The following CNTN3 variants were observed in gnomAD, a reference collection of about 807,000 sequenced individuals.
CNTN3 encodes contactin 3, also known as contactin-3.
In CNTN3, 60 loss-of-function variants were observed where a neutral mutation model predicts 119.1. The observed-to-expected ratio is 0.50, with a 90% CI of 0.41 to 0.62. The LOEUF (loss-of-function observed/expected upper bound fraction) is 0.62, where lower values mean the gene tolerates loss of function less well. Ranked by LOEUF, CNTN3 falls within the 20% of genes least tolerant of loss-of-function variation. CNTN3 has a pLI of 0.00. For missense variants in CNTN3, 1,101 were observed against 1,242.4 expected (o/e 0.89, Z 1.71); for synonymous variants, 450 against 438.7 (o/e 1.03, Z -0.32).
intron 3 of CNTN3, among the ~76,000 whole-genome samples, chr3:74,491,773 G>A (rs1438758896): frequency 2.0e-5 from 3 of 152,044 alleles, no homozygotes; most frequent in Non-Finnish European, 2.9e-5. Context: ...ATAATTCTTT[G>A]TAAAAATTAC....
At chr3:74,281,073 G>T (rs1701997106) in intron 20 of CNTN3, among the ~76,000 whole-genome samples, 1 of 152,154 alleles carries the variant, frequency 6.6e-6, no homozygotes, top group South Asian at 2.1e-4. Context: ...AAAAGAATAG[G>T]AAATAAGTCA....
intron 5 of CNTN3, among the ~76,000 whole-genome samples, chr3:74,403,200 C>T (rs7614162): frequency 0.72 from 109,151 of 151,972 alleles, 39,329 homozygotes; most frequent in East Asian, 0.81. Flanking sequence ...AGGGTGGAAA[C>T]AGGAAATCAA....
chr3:74,605,827 C>G lies in CNTN3; in HGVS notation c.-81+8564G>C, dbSNP rs142046816. ...CATTTTATTTTTCAAATTCAATAGG[C>G]TAACTCAGATTCAAGGGAAAGGGAA... On this transcript the variant is annotated intron_variant, in intron 1 of 22. Transcript: ENST00000263665. 1.2e-3 allele frequency among the ~76,000 whole-genome samples: 176 copies of G among 152,210 alleles called. 3 individuals carry two copies. The highest frequency in any genetic ancestry group is 3.7e-3 in the African/African-American group (153 of 41,548).
At chr3:74,420,079 A>T (rs1323313162) in intron 5 of CNTN3, among the ~76,000 whole-genome samples, 1 of 152,114 alleles carries the variant, frequency 6.6e-6, no homozygotes, top group Admixed American at 6.6e-5. Flanking sequence ...CTCTTGCTTC[A>T]TAGAGGTGCT....
chr3:74,543,506 G>A (rs1457634751), intron 1 of CNTN3, among the ~76,000 whole-genome samples: 1 of 152,056 alleles, frequency 6.6e-6, no homozygotes, highest in Non-Finnish European at 1.5e-5. Context: ...CAGATTAATA[G>A]GAAACATTAA....
intron 4 of CNTN3, among the ~76,000 whole-genome samples, chr3:74,452,375 G>C (rs1337165650): frequency 6.1e-4 from 79 of 129,806 alleles, no homozygotes; most frequent in Non-Finnish European, 5.0e-4. Context: ...TGTATCCTGA[G>C]ACTTTGCTGA....
rs138372565 is a variant in CNTN3 at position 74,289,199 on chromosome 3, G to T, written c.2518-3708C>A. Reference sequence around the variant, plus strand: ...AGAAAAGACATATTTTTATCTTGGTGTAATTACATAAATTATTTTGTAAGA... The same window carrying T: ...AGAAAAGACATATTTTTATCTTGGTTTAATTACATAAATTATTTTGTAAGA... On this transcript the variant is annotated intron_variant, in intron 19 of 22. Transcript: ENST00000263665. 5.6e-4 allele frequency among the ~76,000 whole-genome samples: 86 copies of T among 152,252 alleles called. 2 individuals are homozygous for T. The East Asian group carries it at 0.013, about 22-fold the overall frequency.
intron 1 of CNTN3, among the ~76,000 whole-genome samples, chr3:74,527,270 T>C (rs994612206): frequency 1.3e-5 from 2 of 151,956 alleles, no homozygotes; most frequent in African/African-American, 2.4e-5. Flanking sequence ...TAAGTTTAAA[T>C]AATGAGATTG....
intron 1 of CNTN3, among the ~76,000 whole-genome samples, chr3:74,572,295 A>T (rs1040408538): frequency 2.0e-5 from 3 of 152,156 alleles, no homozygotes; most frequent in African/African-American, 7.2e-5. Flanking sequence ...ACTTCCAAAT[A>T]TCTAATGTCA....
intron 4 of CNTN3, among the ~76,000 whole-genome samples, chr3:74,463,814 T>C (rs1294163807): frequency 6.6e-6 from 1 of 152,186 alleles, no homozygotes; most frequent in Non-Finnish European, 1.5e-5. Context: ...AAGTCTTCCG[T>C]GTTGTCCACC....
chr3:74,504,313 A>G (rs1483734095), intron 2 of CNTN3, among the ~76,000 whole-genome samples: 1 of 152,198 alleles, frequency 6.6e-6, no homozygotes, highest in Non-Finnish European at 1.5e-5. Flanking sequence ...TAAATTTAGA[A>G]AGGAATATTC....
chr3:74,369,462 A>C (rs1704281105), intron 7 of CNTN3, 89 bp from the exon 8 acceptor site: 1 of 1,072,638 alleles, frequency 9.3e-7, no homozygotes. Context: ...ACAAGAAGGC[A>C]CAGGATTTTA....
chr3:74,427,721 C>T (rs554100937), intron 4 of CNTN3, among the ~76,000 whole-genome samples: 87 of 152,218 alleles, frequency 5.7e-4, no homozygotes, highest in Non-Finnish European at 8.8e-4. Flanking sequence ...TCACAGGATA[C>T]AATTTCTACA....
At chr3:74,423,135 T>C (rs186283238) in intron 5 of CNTN3, among the ~76,000 whole-genome samples, 17 of 152,318 alleles carry the variant, frequency 1.1e-4, no homozygotes, top group Middle Eastern at 3.4e-3. Context: ...GGATTGTTTA[T>C]GGAATTGATT....
At chr3:74,487,608 T>C (rs1702882493) in intron 3 of CNTN3, among the ~76,000 whole-genome samples, 1 of 152,164 alleles carries the variant, frequency 6.6e-6, no homozygotes, top group Non-Finnish European at 1.5e-5. Context: ...AACTATTAAT[T>C]GGTGGGATCA....
At chr3:74,349,427 T>C (rs1021909746) in intron 11 of CNTN3, among the ~76,000 whole-genome samples, 8 of 152,214 alleles carry the variant, frequency 5.3e-5, no homozygotes, top group Non-Finnish European at 1.0e-4. Flanking sequence ...CCTTGACTGA[T>C]ATGTAAGGGT....
intron 4 of CNTN3, among the ~76,000 whole-genome samples, chr3:74,480,656 A>C (rs1020224621): frequency 6.6e-6 from 1 of 151,980 alleles, no homozygotes; most frequent in Non-Finnish European, 1.5e-5. Context: ...AAAATAAAAA[A>C]ATATAGATGT....
chr3:74,350,321 A>T (rs1703784064), intron 11 of CNTN3, among the ~76,000 whole-genome samples: 1 of 152,226 alleles, frequency 6.6e-6, no homozygotes, highest in Non-Finnish European at 1.5e-5. Flanking sequence ...AACATGAAAA[A>T]ATGCTCAACA....
chr3:74,285,335 C>T lies in CNTN3; in HGVS notation c.2674G>A (p.Ala892Thr), dbSNP rs375992095. 19 of 1,609,150 alleles carry T rather than the reference C, an allele frequency of 1.2e-5. No individual in the cohort carries two copies. Among genetic ancestry groups the T allele is most frequent in the African/African-American group, 2.7e-5 (2 of 74,398 alleles). ...YNSAGAGPFS[A>T]TVNVTTKKTP... The stretch of plus-strand genomic sequence containing the variant: ...TTCTTGGTGGTTACATTAACTGTGG[C>T]GCTAAAAGGCCCAGCGCCGGCACTG... The change falls in exon 20 of 23, where the codon GCC becomes ACC. Residue 892 changes from alanine to threonine, a missense_variant. Coordinates refer to ENST00000263665, the MANE Select transcript of CNTN3 (RefSeq NM_020872.3).
Sources: allele counts gnomAD v4.1 joint callset (sites outside exome capture counted in the v4.1 genomes callset), GRCh38; gene constraint gnomAD v4.1.1; transcripts MANE v1.5; gene names NCBI Gene and HGNC (gene_info 2026-07-23, HGNC 2026-07-21).